SLC13A3: variants seen among roughly 807,000 people sequenced by gnomAD.
SLC13A3 encodes the protein Na(+)/dicarboxylate cotransporter 3.
In SLC13A3, 40 loss-of-function variants were observed where a neutral mutation model predicts 59.0. The ratio of observed to expected loss-of-function variants is 0.68; its 90% CI spans 0.53 to 0.88. SLC13A3 has a LOEUF of 0.88. Ranked by LOEUF, SLC13A3 falls within the 40% of genes least tolerant of loss-of-function variation. The probability of loss-of-function intolerance (pLI) is 0.00; values close to 1 mark genes in which losing one functional copy is unlikely to be tolerated. For synonymous variants in SLC13A3, 317 were observed against 330.3 expected (o/e 0.96, Z 0.44); for missense variants, 699 against 783.2 (o/e 0.89, Z 1.28).
At chr20:46,574,665 G>A (rs545636588) in intron 10 of SLC13A3, among the ~76,000 whole-genome samples, 2 of 152,172 alleles carry the variant, frequency 1.3e-5, no homozygotes, top group African/African-American at 2.4e-5. Flanking sequence ...CTCTAGAGCC[G>A]AACTGCCTGG....
intron 1 of SLC13A3, among the ~76,000 whole-genome samples, chr20:46,666,456 G>A (rs912642972): frequency 8.7e-5 from 13 of 149,528 alleles, no homozygotes; most frequent in African/African-American, 2.5e-4. Flanking sequence ...TTTTGTTTTG[G>A]TTTTGGTTTT....
intron 1 of SLC13A3, 97 bp from the exon 2 acceptor site, chr20:46,613,822 C>A: frequency 9.4e-7 from 1 of 1,066,696 alleles, no homozygotes; most frequent in Non-Finnish European, 1.3e-6. Flanking sequence ...GAGGCCTGGG[C>A]TGGGGGCAGA....
chr20:46,590,055 GAT>G (rs902991637), intron 6 of SLC13A3, among the ~76,000 whole-genome samples: 2 of 152,086 alleles, frequency 1.3e-5, no homozygotes, highest in African/African-American at 4.8e-5. Context: ...AGCCATCAAA[GAT>G]AGATAAATTT....
upstream of SLC13A3, chr20:46,651,565 T>C: frequency 1.5e-6 from 2 of 1,307,876 alleles, no homozygotes; most frequent in Non-Finnish European, 1.9e-6. Flanking sequence ...AAAAGGGTGG[T>C]GCCTGCGCCC....
At chr20:46,639,137 C>A (rs2062822346) in intron 1 of SLC13A3, among the ~76,000 whole-genome samples, 1 of 148,648 alleles carries the variant, frequency 6.7e-6, no homozygotes, top group African/African-American at 2.5e-5. Context: ...CAAGGTCACA[C>A]AGTTGGTTAA....
chr20:46,571,700 T>TG (rs1157856337), intron 10 of SLC13A3, among the ~76,000 whole-genome samples: 5 of 151,846 alleles, frequency 3.3e-5, no homozygotes, highest in Non-Finnish European at 7.4e-5. Context: ...CAGGATCATT[T>TG]GGGGGGTAGA....
intron 1 of SLC13A3, among the ~76,000 whole-genome samples, chr20:46,622,448 G>A (rs968755105): frequency 1.3e-5 from 2 of 152,166 alleles, no homozygotes; most frequent in African/African-American, 4.8e-5. Flanking sequence ...CTAAATCTCA[G>A]ACAATAAAAG....
intron 1 of SLC13A3, chr20:46,682,227 C>T (rs1157861276): frequency 1.3e-5 from 2 of 152,128 alleles, no homozygotes; most frequent in African/African-American, 2.4e-5. Flanking sequence ...GCCCACGGGC[C>T]GACTGTCTGA....
chr20:46,577,209 T>G (rs1211264757), intron 9 of SLC13A3, among the ~76,000 whole-genome samples: 2 of 151,770 alleles, frequency 1.3e-5, no homozygotes, highest in Non-Finnish European at 2.9e-5. Context: ...CACAGATGTA[T>G]GAAGCCCACA....
chr20:46,628,306 C>G (rs2122800881), intron 1 of SLC13A3, among the ~76,000 whole-genome samples: 1 of 152,216 alleles, frequency 6.6e-6, no homozygotes, highest in South Asian at 2.1e-4. Flanking sequence ...TTGTTTCTGT[C>G]CAGAGGCTCC....
intron 1 of SLC13A3, among the ~76,000 whole-genome samples, chr20:46,638,520 C>T (rs990597363): frequency 1.8e-4 from 27 of 152,350 alleles, no homozygotes; most frequent in Admixed American, 3.9e-4. Context: ...GGGCCGTCAG[C>T]TCCGTCCAGT....
At chr20:46,585,069 A>G in intron 8 of SLC13A3, 1 of 854,608 alleles carries the variant, frequency 1.2e-6, no homozygotes, top group Non-Finnish European at 1.4e-6. Flanking sequence ...AATAAATCAA[A>G]GTGCTCCCAT....
chr20:46,625,934 G>T (rs189872995), intron 1 of SLC13A3, among the ~76,000 whole-genome samples: 43 of 152,258 alleles, frequency 2.8e-4, no homozygotes, highest in African/African-American at 8.4e-4. Flanking sequence ...ATTATTTCCA[G>T]TTTGGGGCTA....
At chr20:46,596,510 T>C (rs2062314668) in intron 4 of SLC13A3, among the ~76,000 whole-genome samples, 168 bp from the exon 5 acceptor site, 1 of 152,180 alleles carries the variant, frequency 6.6e-6, no homozygotes, top group Non-Finnish European at 1.5e-5. Flanking sequence ...TCTAAGAATG[T>C]ATCCTAAAGG....
intron 10 of SLC13A3, 50 bp from the exon 11 acceptor site, chr20:46,566,440 GC>G: frequency 1.9e-6 from 3 of 1,576,054 alleles, no homozygotes; most frequent in Non-Finnish European, 2.6e-6. Context: ...CCCAGCTGCC[GC>G]CCCCCAGAGA....
At chr20:46,661,973 T>A (rs1272304078) in intron 1 of SLC13A3, among the ~76,000 whole-genome samples, 2 of 152,192 alleles carry the variant, frequency 1.3e-5, no homozygotes, top group Non-Finnish European at 2.9e-5. Context: ...ATGGTAAGAC[T>A]TGGTGGGCAG....
chr20:46,586,702 A>G (rs908941948), intron 8 of SLC13A3, among the ~76,000 whole-genome samples: 2 of 152,168 alleles, frequency 1.3e-5, no homozygotes, highest in South Asian at 2.1e-4. Flanking sequence ...ACACCCCCCA[A>G]TCCAACCCAG....
chr20:46,675,556 T>G (rs991294103), intron 1 of SLC13A3, among the ~76,000 whole-genome samples: 17 of 151,008 alleles, frequency 1.1e-4, no homozygotes, highest in Admixed American at 3.3e-4. Flanking sequence ...CCTTTTTTTT[T>G]CTTTCTTTCT....
chr20:46,570,620 T>C (rs973697426), intron 10 of SLC13A3, among the ~76,000 whole-genome samples: 1 of 152,194 alleles, frequency 6.6e-6, no homozygotes, highest in African/African-American at 2.4e-5. Context: ...TATCACAGCC[T>C]GGGAAAAGAT....
Sources: allele counts gnomAD v4.1 joint callset (sites outside exome capture counted in the v4.1 genomes callset), GRCh38; gene constraint gnomAD v4.1.1; transcripts MANE v1.5; gene names NCBI Gene and HGNC (gene_info 2026-07-23, HGNC 2026-07-21).